Variants in PPM1K observed in about 807,000 individuals in gnomAD.
PPM1K encodes protein phosphatase Mn(2+)-dependent 1K.
A neutral mutation model predicts 32.6 loss-of-function variants in PPM1K; 19 were observed. The observed-to-expected ratio is 0.58, with a 90% confidence interval of 0.41 to 0.86. The LOEUF is 0.86. Among genes scored for constraint, PPM1K ranks in the 40% least tolerant of loss-of-function variants. PPM1K has a pLI of 0.00. For missense variants in PPM1K, 362 were observed against 461.2 expected, an observed-to-expected ratio of 0.78 and a Z score of 1.97; for synonymous variants, 159 against 165.3, an observed-to-expected ratio of 0.96 and a Z score of 0.29.
intron 3 of PPM1K, among the ~76,000 whole-genome samples, chr4:88,273,665 G>C (rs1423805943): frequency 6.8e-6 from 1 of 147,456 alleles, no homozygotes; most frequent in East Asian, 2.0e-4. Context: ...TGGGAGACTA[G>C]AGCAAAACTG....
Position 88,278,300 on chromosome 4 carries a change from A to T in PPM1K, c.284T>A (p.Val95Glu). ...KPIPKISLENVGCASQIGKRK... is the reference protein window; with the variant it reads ...KPIPKISLENEGCASQIGKRK... Reference sequence around the variant, plus strand: ...TTTGCCAATCTGTGAGGCGCACCCCACATTTTCCAAGCTGATTTTGGGAAT... The same window carrying T: ...TTTGCCAATCTGTGAGGCGCACCCCTCATTTTCCAAGCTGATTTTGGGAAT... The change falls in exon 2 of 7, where the codon GTG (valine) becomes GAG (glutamate). Residue 95 changes from valine (V) to glutamate (E), a missense_variant. Transcript: ENST00000608933. The surrounding 1 kb of genome is among the most constrained non-coding windows in gnomAD (Gnocchi z 4.2). 6.2e-7 allele frequency: 1 copy of T among 1,614,156 alleles called. No individual in the cohort carries two copies. The highest frequency in any genetic ancestry group is 2.2e-5 in the East Asian group (1 of 44,888).
rs372501774 is a variant in PPM1K at position 88,278,111 on chromosome 4, T to A, written c.440+33A>T. 264 of 1,571,750 alleles carry A rather than the reference T, an allele frequency of 1.7e-4. 2 individuals carry two copies. In the Middle Eastern group the frequency reaches 0.01, roughly 60 times the overall value. ...AAGTTTAAGTAGGAAGTATAGGAACTGCAAAGTCAGGAGTGAAAGTCATTG... is the reference window on the plus strand; with the variant it reads ...AAGTTTAAGTAGGAAGTATAGGAACAGCAAAGTCAGGAGTGAAAGTCATTG... On this transcript the variant is annotated intron_variant, in intron 2 of 6. Coordinates refer to ENST00000608933, the MANE Select transcript of PPM1K (RefSeq NM_152542.5). This position sits in a 1 kb window ranked among gnomAD's most constrained non-coding sequence, Gnocchi z 4.2.
intron 3 of PPM1K, chr4:88,276,638 G>A: frequency 1.0e-6 from 1 of 984,696 alleles, no homozygotes; most frequent in South Asian, 4.7e-5. Context: ...TTTCCTTCTA[G>A]TTATACAAAT....
intron 3 of PPM1K, among the ~76,000 whole-genome samples, chr4:88,270,470 T>C (rs1442371138): frequency 2.0e-5 from 3 of 152,230 alleles, no homozygotes; most frequent in African/African-American, 7.2e-5. Flanking sequence ...CAGTGATATT[T>C]ATATTACAAA....
At chr4:88,282,617 G>T (rs1357583161) in intron 1 of PPM1K, among the ~76,000 whole-genome samples, 1 of 152,172 alleles carries the variant, frequency 6.6e-6, no homozygotes, top group Non-Finnish European at 1.5e-5. Context: ...CCTGCTAGGA[G>T]GAAGGGAAAG....
In PPM1K at chr4:88,261,032, T is replaced by G. The variant is rs1386025358; in HGVS notation, c.*1563A>C. The G allele has an allele frequency of 6.6e-6, 1 of 152,214 alleles. No homozygotes were observed. The highest frequency in any genetic ancestry group is 1.5e-5 in the Non-Finnish European group (1 of 68,022). 9.4% of individuals were successfully genotyped at this position (152,214 alleles called of 1,614,324 possible). A position where few individuals can be genotyped will look rare whatever the true frequency, so the allele number is the denominator to read the frequency against. ...TAATTTAAAACTGGTGAAAGAGCTA[T>G]GCAAGATTGTTCCCTTTAATTTTAT... is the stretch of plus-strand genomic sequence containing the variant. On this transcript the variant is annotated 3_prime_UTR_variant, in exon 7 of 7. Transcript: ENST00000608933.
At chr4:88,268,640 C>G in intron 4 of PPM1K, 101 bp downstream of exon 4, 1 of 1,263,300 alleles carries the variant, frequency 7.9e-7, no homozygotes, top group Non-Finnish European at 1.1e-6. Context: ...AAAAGAAAAC[C>G]AAGTCACTGT....
intron 5 of PPM1K, among the ~76,000 whole-genome samples, chr4:88,267,607 C>T (rs1731389054): frequency 6.6e-6 from 1 of 152,224 alleles, no homozygotes; most frequent in Non-Finnish European, 1.5e-5. Flanking sequence ...CTTCCTCAGC[C>T]TCTACTTGCC....
In PPM1K at chr4:88,277,256, G is replaced by A. The variant is rs754684230; in HGVS notation, c.441-13C>T. On this transcript the variant is annotated splice_polypyrimidine_tract_variant and intron_variant, in intron 2 of 6. Coordinates refer to ENST00000608933, the MANE Select transcript of PPM1K (RefSeq NM_152542.5). ...AGGAAGCAAATCCCTTTGTGGGGAG[G>A]AAAAAAAGAGCCTTAAACAATCATT... is the stretch of plus-strand genomic sequence containing the variant. 1.9e-6 allele frequency: 3 copies of A among 1,546,236 alleles called. No individual in the cohort carries two copies. The South Asian group carries it at 3.4e-5, about 17-fold the overall frequency.
At position 88,278,061 on chromosome 4, in the gene PPM1K, G is replaced by T; in HGVS notation, c.440+83C>A. 2 of 1,152,426 alleles carry T rather than the reference G, an allele frequency of 1.7e-6. No individual in the cohort carries two copies. Among genetic ancestry groups the T allele is most frequent in the Non-Finnish European group, 2.5e-6 (2 of 804,614 alleles). The allele number at this position is 1,152,426 out of a possible 1,614,324, so 71.4% of individuals were successfully genotyped here. On this transcript the variant is annotated intron_variant, in intron 2 of 6. Transcript: ENST00000608933. The surrounding 1 kb of genome is among the most constrained non-coding windows in gnomAD (Gnocchi z 4.2). ...CAACCACTCAAGTAACTATGTTTAC[G>T]CTGGAAGCCTCAGCCAAAGGGTGAA...
rs560034117 is a variant in PPM1K at position 88,260,634 on chromosome 4, C to A, written c.*1961G>T. 1.3e-5 allele frequency: 2 copies of A among 151,704 alleles called. No individual in the cohort carries two copies. The highest frequency in any genetic ancestry group is 4.8e-5 in the African/African-American group (2 of 41,286). The allele number at this position is 151,704 out of a possible 1,614,324, so 9.4% of individuals were successfully genotyped here. On this transcript the variant is annotated 3_prime_UTR_variant, in exon 7 of 7. Coordinates refer to ENST00000608933, the MANE Select transcript of PPM1K (RefSeq NM_152542.5). ...TTTATTTAGCACTTTTTTCAAAGGG[C>A]AATTCCTGATTAATATAGGCAGAAA...
chr4:88,276,716 G>A, intron 3 of PPM1K: 2 of 870,114 alleles, frequency 2.3e-6, no homozygotes, highest in Non-Finnish European at 2.7e-6. Context: ...GTTGGACAAT[G>A]ACTGTCCTCG....
chr4:88,258,001 C>G lies in PPM1K; in HGVS notation c.*4594G>C, dbSNP rs1442854184. ...CAATGGGAGAGTCAATTGTTCTCAT[C>G]CCAACTGCCAAAAGCAAAAGGCAGG... is the stretch of plus-strand genomic sequence containing the variant. On this transcript the variant is annotated 3_prime_UTR_variant, in exon 7 of 7. Transcript: ENST00000608933. The G allele has an allele frequency of 1.3e-5, 2 of 152,208 alleles. No individual in the cohort carries two copies. Among genetic ancestry groups the G allele is most frequent in the African/African-American group, 4.8e-5 (2 of 41,434 alleles). 9.4% of individuals were successfully genotyped at this position (152,208 alleles called of 1,614,324 possible).
intron 6 of PPM1K, among the ~76,000 whole-genome samples, chr4:88,264,522 A>G (rs1731234870): frequency 6.6e-6 from 1 of 152,176 alleles, no homozygotes; most frequent in African/African-American, 2.4e-5. Flanking sequence ...TTGGGAACCT[A>G]GTTGTCTGGG....
In PPM1K at chr4:88,278,294, C is replaced by T; in HGVS notation, c.290G>A (p.Cys97Tyr). 6.2e-7 allele frequency: 1 copy of T among 1,614,190 alleles called. No homozygotes were observed. Among genetic ancestry groups the T allele is most frequent in the Non-Finnish European group, 8.5e-7 (1 of 1,180,042 alleles). ...IPKISLENVG[C>Y]ASQIGKRKEN... ...TTTCCGTTTGCCAATCTGTGAGGCG[C>T]ACCCCACATTTTCCAAGCTGATTTT... The change falls in exon 2 of 7, where the codon TGC becomes TAC. Residue 97 changes from cysteine to tyrosine, a missense_variant. Coordinates refer to ENST00000608933, the MANE Select transcript of PPM1K (RefSeq NM_152542.5). This position sits in a 1 kb window ranked among gnomAD's most constrained non-coding sequence, Gnocchi z 4.2.
At chr4:88,276,233 G>T in intron 3 of PPM1K, 1 of 985,376 alleles carries the variant, frequency 1.0e-6, no homozygotes, top group Non-Finnish European at 1.2e-6. Flanking sequence ...TATTCCAACT[G>T]AAGACTGTGC....
Position 88,262,497 on chromosome 4 carries a change from G to A in PPM1K, c.*98C>T, listed in dbSNP as rs750303802. ...CTAAGTGGTTTACACTGACTTGTGCGCTGATCTAGTGAGTTAGGAGACCTT... is the reference window on the plus strand; with the variant it reads ...CTAAGTGGTTTACACTGACTTGTGCACTGATCTAGTGAGTTAGGAGACCTT... On this transcript the variant is annotated 3_prime_UTR_variant, in exon 7 of 7. Coordinates refer to ENST00000608933, the MANE Select transcript of PPM1K (RefSeq NM_152542.5). 3.0e-5 allele frequency: 41 copies of A among 1,349,548 alleles called. No individual in the cohort carries two copies. The highest frequency in any genetic ancestry group is 3.6e-5 in the Non-Finnish European group (35 of 983,668). 83.6% of individuals were successfully genotyped at this position (1,349,548 alleles called of 1,614,324 possible). A position where few individuals can be genotyped will look rare whatever the true frequency, so the allele number is the denominator to read the frequency against.
At chr4:88,273,311 G>GA (rs1287230495) in intron 3 of PPM1K, among the ~76,000 whole-genome samples, 1 of 152,198 alleles carries the variant, frequency 6.6e-6, no homozygotes, top group African/African-American at 2.4e-5. Context: ...AGAGCAACCT[G>GA]AAAAATTGAG....
intron 3 of PPM1K, chr4:88,276,168 C>T (rs1731760149): frequency 1.0e-6 from 1 of 985,422 alleles, no homozygotes; most frequent in Non-Finnish European, 1.2e-6. Context: ...CTGACCTTTA[C>T]CACTCTAATC....
Sources: gnomAD v4.1 joint callset for allele counts (sites outside exome capture counted in the v4.1 genomes callset) on GRCh38, gnomAD v4.1.1 for gene constraint, Gnocchi (gnomAD v3.1) non-coding constraint, MANE v1.5 for transcripts, NCBI Gene and HGNC (gene_info 2026-07-23, HGNC 2026-07-21) for gene names.